The following SYT9 variants were observed in gnomAD, a reference collection of about 807,000 sequenced individuals.
SYT9 encodes the protein synaptotagmin 9.
A neutral mutation model predicts 48.4 loss-of-function variants in SYT9; 22 were observed. That is an observed-to-expected ratio of 0.45 (90% CI 0.32 to 0.65). The LOEUF is 0.65. Ranked by LOEUF, SYT9 falls within the 30% of genes least tolerant of loss-of-function variation. The pLI is 0.03. For synonymous variants in SYT9, 265 were observed against 245.0 expected (o/e 1.08, Z -0.76); for missense variants, 577 against 622.0 (o/e 0.93, Z 0.77).
chr11:7,257,310 T>C (rs915746967), intron 1 of SYT9, among the ~76,000 whole-genome samples: 11 of 152,176 alleles, frequency 7.2e-5, no homozygotes. Flanking sequence ...CCCAACGTTA[T>C]CCTACATTTT....
intron 1 of SYT9, among the ~76,000 whole-genome samples, chr11:7,261,952 T>G (rs1848088404): frequency 6.6e-6 from 1 of 152,036 alleles, no homozygotes; most frequent in African/African-American, 2.4e-5. Flanking sequence ...AGAAGAGAGA[T>G]AACATCTGAC....
At chr11:7,279,627 G>A (rs1848457763) in intron 1 of SYT9, among the ~76,000 whole-genome samples, 1 of 152,136 alleles carries the variant, frequency 6.6e-6, no homozygotes, top group Admixed American at 6.5e-5. Flanking sequence ...CATGATCTCT[G>A]GAGGCATAGC....
At chr11:7,278,723 A>G (rs946375853) in intron 1 of SYT9, among the ~76,000 whole-genome samples, 2 of 152,248 alleles carry the variant, frequency 1.3e-5, no homozygotes, top group African/African-American at 4.8e-5. Flanking sequence ...CGAGTAGCTT[A>G]AGAGGATTAA....
At chr11:7,381,256 T>TA (rs1007166812) in intron 3 of SYT9, among the ~76,000 whole-genome samples, 3 of 151,914 alleles carry the variant, frequency 2.0e-5, no homozygotes, top group South Asian at 2.1e-4. Context: ...TAGCCTAAGT[T>TA]AAAAAAAAGG....
chr11:7,239,641 C>T (rs1445680214), intron 1 of SYT9, among the ~76,000 whole-genome samples: 1 of 152,132 alleles, frequency 6.6e-6, no homozygotes, highest in East Asian at 1.9e-4. Flanking sequence ...CCAATACAGT[C>T]TGCTTTAGAC....
At chr11:7,325,870 T>A (rs1293026247) in intron 3 of SYT9, among the ~76,000 whole-genome samples, 3,280 of 50,570 alleles carry the variant, frequency 0.065, 2 homozygotes, top group Non-Finnish European at 0.067. Context: ...ATTGAGATAA[T>A]CATGTGGTTT....
At chr11:7,266,089 C>A (rs906057059) in intron 1 of SYT9, among the ~76,000 whole-genome samples, 4 of 151,938 alleles carry the variant, frequency 2.6e-5, no homozygotes, top group Non-Finnish European at 5.9e-5. Flanking sequence ...AACATATTTC[C>A]ATTCTTATTT....
At chr11:7,432,580 A>ATAT (rs1847617485) in intron 6 of SYT9, among the ~76,000 whole-genome samples, 1 of 6,178 alleles carries the variant, frequency 1.6e-4, no homozygotes, top group Non-Finnish European at 2.8e-4. Context: ...AAAAAAAAAA[A>ATAT]AAATATATAT....
upstream of SYT9, among the ~76,000 whole-genome samples, chr11:7,247,268 T>G (rs1847803128): frequency 6.6e-6 from 1 of 151,968 alleles, no homozygotes; most frequent in Admixed American, 6.6e-5. Context: ...CCCTTTCCCC[T>G]GAGTCCCCAA....
rs571438594 is a variant in SYT9, at chr11:7,426,531, G to A, written c.1467+5896G>A. On this transcript the variant is annotated intron_variant, in intron 6 of 6. Coordinates refer to ENST00000318881, the MANE Select transcript of SYT9 (RefSeq NM_175733.4). ...ATTTGGGCACACAAGGGAGCCACAG[G>A]AGACTCAGTGCCATCACAGGCATCT... Among the ~76,000 whole-genome samples, 3 of 152,288 alleles carry A rather than the reference G, an allele frequency of 2.0e-5. No homozygotes were observed. The South Asian group carries it at 6.2e-4, about 32-fold the overall frequency.
chr11:7,387,014 T>A (rs1850674226), intron 3 of SYT9, among the ~76,000 whole-genome samples: 1 of 152,192 alleles, frequency 6.6e-6, no homozygotes, highest in African/African-American at 2.4e-5. Context: ...TGGATGAAGC[T>A]GTAAACCATC....
intron 3 of SYT9, among the ~76,000 whole-genome samples, chr11:7,330,159 T>G (rs1849501418): frequency 6.6e-6 from 1 of 152,124 alleles, no homozygotes; most frequent in African/African-American, 2.4e-5. Flanking sequence ...TGTCCTCCAA[T>G]GGGTAAAACA....
intron 6 of SYT9, among the ~76,000 whole-genome samples, chr11:7,446,952 C>T (rs74849929): frequency 0.022 from 3,310 of 152,284 alleles, 96 homozygotes; most frequent in African/African-American, 0.073. Context: ...ACATCAGCAT[C>T]GCCAGGGCTG....
intron 6 of SYT9, 61 bp downstream of exon 6, chr11:7,420,696 C>G: frequency 6.3e-7 from 1 of 1,596,052 alleles, no homozygotes; most frequent in Middle Eastern, 1.7e-4. Context: ...TGTTGAAATG[C>G]AGGAGCTGCC....
intron 2 of SYT9, 125 bp downstream of exon 2, chr11:7,303,515 T>C (rs922233024): frequency 2.3e-6 from 2 of 859,822 alleles, no homozygotes; most frequent in Non-Finnish European, 3.5e-6. Flanking sequence ...ATCAGAGACA[T>C]GAATATGGGA....
At chr11:7,313,147 A>G (rs1377162451) in intron 2 of SYT9, among the ~76,000 whole-genome samples, 1 of 152,212 alleles carries the variant, frequency 6.6e-6, no homozygotes, top group African/African-American at 2.4e-5. Flanking sequence ...AAACCTTTAA[A>G]GCTCTGAGGT....
At chr11:7,256,004 A>G (rs1209688577) in intron 1 of SYT9, among the ~76,000 whole-genome samples, 1 of 152,152 alleles carries the variant, frequency 6.6e-6, no homozygotes, top group Non-Finnish European at 1.5e-5. Flanking sequence ...ATTTCTACCC[A>G]TGGATCTTGA....
Position 7,410,856 on chromosome 11 carries a change from T to C in SYT9, c.1045-5186T>C, listed in dbSNP as rs1363315145. Reference sequence around the variant, plus strand: ...TTAATCTATTTCCATTCAATATCTCTTTTTTTTTTCTTTTTGAGACAGAGT... The same window carrying C: ...TTAATCTATTTCCATTCAATATCTCCTTTTTTTTTCTTTTTGAGACAGAGT... On this transcript the variant is annotated intron_variant, in intron 3 of 6. Transcript: ENST00000318881. 2.0e-5 allele frequency among the ~76,000 whole-genome samples: 3 copies of C among 150,362 alleles called. No individual in the cohort carries two copies. In the East Asian group the frequency reaches 5.8e-4, roughly 29 times the overall value.
At chr11:7,427,219 T>C (rs550511067) in intron 6 of SYT9, 2 of 152,302 alleles carry the variant, frequency 1.3e-5, no homozygotes, top group African/African-American at 4.8e-5. Context: ...TGTAAAAAGG[T>C]ATTGAGAATG....
Sources: gnomAD v4.1 joint callset for allele counts (sites outside exome capture counted in the v4.1 genomes callset) on GRCh38, gnomAD v4.1.1 for gene constraint, MANE v1.5 for transcripts, NCBI Gene and HGNC (gene_info 2026-07-23, HGNC 2026-07-21) for gene names.